The following DEF8 variants were observed in gnomAD, a reference collection of about 807,000 sequenced individuals.
DEF8 encodes the protein DEF-8.
Under a neutral mutation model 59.1 loss-of-function variants are expected in DEF8, and 38 were observed. The ratio of observed to expected loss-of-function variants is 0.64; its 90% CI spans 0.50 to 0.84. DEF8 has a LOEUF of 0.84. Among genes scored for constraint, DEF8 ranks in the 40% least tolerant of loss-of-function variants. The pLI, the probability that DEF8 is intolerant of heterozygous loss-of-function variation, is 0.00. For missense variants in DEF8, 557 were observed against 615.2 expected (o/e 0.91, Z 1.00); for synonymous variants, 265 against 250.1 (o/e 1.06, Z -0.56).
chr16:89,959,281 T>TA, intron 6 of DEF8, 126 bp downstream of exon 6: 1 of 1,524,096 alleles, frequency 6.6e-7, no homozygotes, highest in Non-Finnish European at 8.8e-7. Flanking sequence ...CAGTCAAAGT[T>TA]AAATTAACTA....
In DEF8 at chr16:89,955,187, C is replaced by A. The variant is rs1245810555; in HGVS notation, c.143C>A (p.Pro48His). The change falls in exon 4 of 13, where the codon CCC (proline) becomes CAC (histidine). Residue 48 changes from proline (P) to histidine (H), a missense_variant. Transcript: ENST00000563594. Reference sequence around the variant, plus strand: ...CCTCCAGAGGCCCTGCCTGAGCTGCCCCCTGGGGAGCCGGAATTCCGCTGC... The same window carrying A: ...CCTCCAGAGGCCCTGCCTGAGCTGCACCCTGGGGAGCCGGAATTCCGCTGC... The part of the protein sequence containing the change: ...VTPEEALPEL[P>H]PGEPEFRCPE... 1 of 1,613,452 alleles carries A rather than the reference C, an allele frequency of 6.2e-7. No homozygotes were observed. Among genetic ancestry groups the A allele is most frequent in the Non-Finnish European group, 8.5e-7 (1 of 1,179,932 alleles).
At position 89,967,524 on chromosome 16, in the gene DEF8, G is replaced by A. The variant is rs896158055; in HGVS notation, c.*1561G>A. On this transcript the variant is annotated 3_prime_UTR_variant, in exon 13 of 13. Coordinates refer to ENST00000563594, the MANE Select transcript of DEF8 (RefSeq NM_001242818.2). ...GGTCCTGACCTACCTCAGGTGGAAC[G>A]GTGAGCAGGGAACATGTCGGAGTCC... is the stretch of plus-strand genomic sequence containing the variant. The A allele has an allele frequency of 5.5e-5, 22 of 398,456 alleles. No individual in the cohort carries two copies. Among genetic ancestry groups the A allele is most frequent in the Non-Finnish European group, 8.8e-5 (20 of 226,088 alleles). 24.7% of individuals were successfully genotyped at this position (398,456 alleles called of 1,614,324 possible). A position where few individuals can be genotyped will look rare whatever the true frequency, so the allele number is the denominator to read the frequency against.
Position 89,967,062 on chromosome 16 carries a change from G to T in DEF8, c.*1099G>T. ...AGGAAACCTACAGCTCTGGGTGAGGGGACACTTGGCTTTGGTGTTTGCACT... is the reference window on the plus strand; with the variant it reads ...AGGAAACCTACAGCTCTGGGTGAGGTGACACTTGGCTTTGGTGTTTGCACT... On this transcript the variant is annotated 3_prime_UTR_variant, in exon 13 of 13. Coordinates refer to ENST00000563594, the MANE Select transcript of DEF8 (RefSeq NM_001242818.2). 2.6e-6 allele frequency: 1 copy of T among 382,340 alleles called. No individual in the cohort carries two copies. Among genetic ancestry groups the T allele is most frequent in the Non-Finnish European group, 4.6e-6 (1 of 216,370 alleles). The allele number at this position is 382,340 out of a possible 1,614,324, so 23.7% of individuals were successfully genotyped here. A position where few individuals can be genotyped will look rare whatever the true frequency, so the allele number is the denominator to read the frequency against.
rs772283303 is a variant in DEF8 at position 89,954,282 on chromosome 16, C to T, written c.30C>T (p.Phe10=). ...AATATGATGAGAAGCTGGCCCGTTTCCGGCAGGCCCACCTCAACCCCTTCA... is the reference window on the plus strand; with the variant it reads ...AATATGATGAGAAGCTGGCCCGTTTTCGGCAGGCCCACCTCAACCCCTTCA... MEYDEKLAR[F]RQAHLNPFNK... is the part of the protein sequence containing the mutation. Residue 10 remains phenylalanine (F), a synonymous_variant, in exon 3 of 13, where the codon TTC becomes TTT. Coordinates refer to ENST00000563594, the MANE Select transcript of DEF8 (RefSeq NM_001242818.2). The surrounding 1 kb of genome is among the most constrained non-coding windows in gnomAD (Gnocchi z 4.3). The T allele has an allele frequency of 6.2e-7, 1 of 1,613,428 alleles. No individual in the cohort carries two copies. Among genetic ancestry groups the T allele is most frequent in the South Asian group, 1.1e-5 (1 of 91,052 alleles).
intron 4 of DEF8, among the ~76,000 whole-genome samples, chr16:89,956,079 A>T (rs2033130256): frequency 6.6e-6 from 1 of 151,688 alleles, no homozygotes; most frequent in Admixed American, 6.6e-5. Context: ...TCTCAAAGAA[A>T]AAAAAAGTTT....
intron 2 of DEF8, chr16:89,950,390 A>ATT (rs370010270): frequency 6.5e-4 from 543 of 841,596 alleles, no homozygotes; most frequent in Non-Finnish European, 7.0e-4. Context: ...ATCAGGGCTG[A>ATT]TTTTTTTTTT....
chr16:89,954,990 C>G lies in DEF8; in HGVS notation c.125-179C>G, dbSNP rs1031347603. ...CCTGTCTACACAAGGCTGTGGGCTC[C>G]TCTGTGAATGCAGACTGGACGGTGT... On this transcript the variant is annotated intron_variant, in intron 3 of 12. Coordinates refer to ENST00000563594, the MANE Select transcript of DEF8 (RefSeq NM_001242818.2). The surrounding 1 kb of genome is among the most constrained non-coding windows in gnomAD (Gnocchi z 4.3). 2.6e-5 allele frequency among the ~76,000 whole-genome samples: 4 copies of G among 152,174 alleles called. No individual in the cohort carries two copies. The highest frequency in any genetic ancestry group is 9.7e-5 in the African/African-American group (4 of 41,424).
At chr16:89,962,965 C>T (rs1050232217) in intron 9 of DEF8, among the ~76,000 whole-genome samples, 10 of 152,216 alleles carry the variant, frequency 6.6e-5, no homozygotes, top group Admixed American at 4.6e-4. Context: ...GACATGATGG[C>T]GTCTCACGCC....
In DEF8 at chr16:89,954,851, C is replaced by T. The variant is rs1054725737; in HGVS notation, c.125-318C>T. On this transcript the variant is annotated intron_variant, in intron 3 of 12. Transcript: ENST00000563594. This position sits in a 1 kb window ranked among gnomAD's most constrained non-coding sequence, Gnocchi z 4.3. ...TAGCCATGCAGTGGTTTTTCTCTCG[C>T]CCCCGTGGTCACGCATGAGGTGTCC... 1.3e-5 allele frequency among the ~76,000 whole-genome samples: 2 copies of T among 152,122 alleles called. No individual in the cohort carries two copies. Among genetic ancestry groups the T allele is most frequent in the South Asian group, 2.1e-4 (1 of 4,830 alleles).
rs2034401575 is a variant in DEF8 at position 89,964,278 on chromosome 16, C to G, written c.1111C>G (p.Leu371Val). The G allele has an allele frequency of 1.2e-6, 2 of 1,603,812 alleles. No individual in the cohort carries two copies. The highest frequency in any genetic ancestry group is 2.7e-5 in the African/African-American group (2 of 74,804). Residue 371 changes from leucine to valine, a missense_variant, in exon 11 of 13, where the codon CTC becomes GTC. Leu to Val is a conservative substitution (Grantham distance 32). Coordinates refer to ENST00000563594, the MANE Select transcript of DEF8 (RefSeq NM_001242818.2). ...CTGCTCGCTCACCGAGATCCACACGCTCTTCGCCAAGCACATCAAGCTGGA... is the reference window on the plus strand; with the variant it reads ...CTGCTCGCTCACCGAGATCCACACGGTCTTCGCCAAGCACATCAAGCTGGA... The part of the protein sequence containing the change: ...LGCSLTEIHT[L>V]FAKHIKLDCE...
Position 89,957,658 on chromosome 16 carries a change from A to C in DEF8, c.370A>C (p.Lys124Gln), listed in dbSNP as rs2033431859. 3.2e-6 allele frequency: 5 copies of C among 1,556,674 alleles called. No homozygotes were observed. Among genetic ancestry groups the C allele is most frequent in the Non-Finnish European group, 4.3e-6 (5 of 1,149,666 alleles). ...CCTCCGGCTGAAGCTCCAGGAGCTG[A>C]AGGTGGGTGTGGGGCCGCCCCGCCG... ...IHLRLKLQELKDPNEDEPNIR... is the reference protein window; with the variant it reads ...IHLRLKLQELQDPNEDEPNIR... Residue 124 changes from lysine (K) to glutamine (Q), a missense_variant and splice_region_variant, in exon 5 of 13, where the codon AAG becomes CAG. Physicochemically the swap from Lys to Gln is moderately conservative, Grantham distance 53. Transcript: ENST00000563594.
At chr16:89,957,737 C>G in intron 5 of DEF8, 77 bp downstream of exon 5, 1 of 1,437,862 alleles carries the variant, frequency 7.0e-7, no homozygotes, top group Non-Finnish European at 9.2e-7. Flanking sequence ...ACCCTGCCAG[C>G]CTCTGGCTCT....
chr16:89,963,998 C>T (rs1005718171), intron 10 of DEF8, 172 bp from the exon 11 acceptor site: 1 of 862,758 alleles, frequency 1.2e-6, no homozygotes, highest in South Asian at 1.4e-5. Context: ...GGCCCGGGTC[C>T]ATCTTCCCCT....
chr16:89,963,737 T>G (rs948674445), intron 10 of DEF8: 1 of 513,370 alleles, frequency 1.9e-6, no homozygotes, highest in Non-Finnish European at 3.5e-6. Flanking sequence ...CATCTAATTA[T>G]GTGCTCAACA....
Position 89,957,612 on chromosome 16 carries a change from T to C in DEF8, c.324T>C (p.Asp108=), listed in dbSNP as rs2033423593. The change falls in exon 5 of 13, where the codon GAT becomes GAC. Residue 108 remains aspartate, a synonymous_variant. Coordinates refer to ENST00000563594, the MANE Select transcript of DEF8 (RefSeq NM_001242818.2). The part of the protein sequence containing the change: ...ELPEQSEKQK[D]AVVRLIHLRL... The stretch of plus-strand genomic sequence containing the variant: ...CCGAGCAGTCGGAGAAGCAGAAGGA[T>C]GCCGTGGTGCGACTCATCCACCTCC... The C allele has an allele frequency of 6.3e-7, 1 of 1,580,174 alleles. No individual in the cohort carries two copies. Among genetic ancestry groups the C allele is most frequent in the African/African-American group, 1.3e-5 (1 of 74,268 alleles).
chr16:89,952,280 G>A (rs1411982314), intron 2 of DEF8, among the ~76,000 whole-genome samples: 1 of 152,198 alleles, frequency 6.6e-6, no homozygotes, highest in Non-Finnish European at 1.5e-5. Flanking sequence ...TTATAGGTGT[G>A]AGCTACCACG....
intron 12 of DEF8, among the ~76,000 whole-genome samples, chr16:89,964,947 C>G (rs542003251): frequency 2.2e-4 from 34 of 152,290 alleles, no homozygotes; most frequent in African/African-American, 7.0e-4. Flanking sequence ...CTAGAGATTC[C>G]CAAACCTATA....
rs1293719830 is a variant in DEF8 at position 89,967,334 on chromosome 16, A to G, written c.*1371A>G. Reference sequence around the variant, plus strand: ...AGACACCTCAGTCAGCAGAAAGGCCACCTGGCTCACTGGCTCATTCCAGGA... The same window carrying G: ...AGACACCTCAGTCAGCAGAAAGGCCGCCTGGCTCACTGGCTCATTCCAGGA... On this transcript the variant is annotated 3_prime_UTR_variant, in exon 13 of 13. Transcript: ENST00000563594. 2.5e-6 allele frequency: 1 copy of G among 398,548 alleles called. No individual in the cohort carries two copies. The highest frequency in any genetic ancestry group is 3.6e-5 in the East Asian group (1 of 28,086). 24.7% of individuals were successfully genotyped at this position (398,548 alleles called of 1,614,324 possible). A position where few individuals can be genotyped will look rare whatever the true frequency, so the allele number is the denominator to read the frequency against.
chr16:89,957,504 T>G lies in DEF8; in HGVS notation c.223-7T>G. ...CCTTTGACTGCCCCCGCCCCCAACCTGGGCAGGGTCTGTTCCTGGCCTCTG... is the reference window on the plus strand; with the variant it reads ...CCTTTGACTGCCCCCGCCCCCAACCGGGGCAGGGTCTGTTCCTGGCCTCTG... On this transcript the variant is annotated splice_region_variant and splice_polypyrimidine_tract_variant and intron_variant, in intron 4 of 12. Transcript: ENST00000563594. The G allele has an allele frequency of 6.3e-7, 1 of 1,577,956 alleles. No individual in the cohort carries two copies.
Sources: gnomAD v4.1 joint callset for allele counts (sites outside exome capture counted in the v4.1 genomes callset) on GRCh38, gnomAD v4.1.1 for gene constraint, Gnocchi (gnomAD v3.1) non-coding constraint, MANE v1.5 for transcripts, NCBI Gene and HGNC (gene_info 2026-07-23, HGNC 2026-07-21) for gene names.